BDNF: variants seen among roughly 807,000 people sequenced by gnomAD.
BDNF encodes brain derived neurotrophic factor.
Under a neutral mutation model 19.5 loss-of-function variants are expected in BDNF, and 1 was observed. The observed-to-expected ratio is 0.05, with a 90% confidence interval of 0.02 to 0.24. BDNF has a LOEUF of 0.24. Among genes scored for constraint, BDNF ranks in the 10% least tolerant of loss-of-function variants. The pLI is 1.00. For missense variants in BDNF, 195 were observed against 317.6 expected (o/e 0.61, Z 2.93); for synonymous variants, 100 against 121.6 (o/e 0.82, Z 1.17).
chr11:27,713,731 G>A (rs190114789), intron 1 of BDNF, among the ~76,000 whole-genome samples: 44 of 152,286 alleles, frequency 2.9e-4, no homozygotes, highest in African/African-American at 1.0e-3. Flanking sequence ...CCCAGGTTGC[G>A]AAGATTTTGG....
At chr11:27,697,164 C>CG (rs1859161762) in intron 1 of BDNF, among the ~76,000 whole-genome samples, 1 of 133,086 alleles carries the variant, frequency 7.5e-6, no homozygotes, top group Admixed American at 7.5e-5. Flanking sequence ...CACACACACA[C>CG]AGAGAGAGAG....
intron 1 of BDNF, among the ~76,000 whole-genome samples, chr11:27,715,934 G>GA (rs1165942414): frequency 6.6e-6 from 1 of 152,092 alleles, no homozygotes; most frequent in Non-Finnish European, 1.5e-5. Flanking sequence ...CACTATAGCA[G>GA]AAAAATCTCT....
At chr11:27,669,524 A>G (rs189740576) in intron 1 of BDNF, among the ~76,000 whole-genome samples, 12,666 of 152,250 alleles carry the variant, frequency 0.083, 754 homozygotes, top group Non-Finnish European at 0.12. Context: ...TCTCAGCCCA[A>G]AATCTCCTTA....
chr11:27,661,128 G>C (rs1446402057), intron 1 of BDNF, among the ~76,000 whole-genome samples: 2 of 152,188 alleles, frequency 1.3e-5, no homozygotes, highest in African/African-American at 2.4e-5. Context: ...TATTCCTCAA[G>C]CTGAGCATCT....
chr11:27,657,136 G>A lies in BDNF; in HGVS notation c.*685C>T, dbSNP rs1307015858. On this transcript the variant is annotated 3_prime_UTR_variant, in exon 2 of 2. Coordinates refer to ENST00000356660, the MANE Select transcript of BDNF (RefSeq NM_001709.5). This position sits in a 1 kb window ranked among gnomAD's most constrained non-coding sequence, Gnocchi z 5.0. ...ACTTTCTAGTCATCTGATCGATATT[G>A]CAAACATCTTCACAACATACAAATG... is the stretch of plus-strand genomic sequence containing the variant. 2 of 982,926 alleles carry A rather than the reference G, an allele frequency of 2.0e-6. No individual in the cohort carries two copies. The highest frequency in any genetic ancestry group is 2.4e-6 in the Non-Finnish European group (2 of 827,650). The allele number at this position is 982,926 out of a possible 1,614,324, so 60.9% of individuals were successfully genotyped here.
chr11:27,718,915 G>C (rs10767666), intron 1 of BDNF, among the ~76,000 whole-genome samples: 151,887 of 152,220 alleles, frequency 1, 75,779 homozygotes, highest in Non-Finnish European at 1. Flanking sequence ...AGAGCTGATC[G>C]GGGGAGGAGT....
At chr11:27,688,920 A>C (rs1244780826) in intron 1 of BDNF, among the ~76,000 whole-genome samples, 1 of 152,244 alleles carries the variant, frequency 6.6e-6, no homozygotes, top group Non-Finnish European at 1.5e-5. Context: ...TTTAAGTAAA[A>C]TTATAACTAA....
At chr11:27,700,477 T>C (rs1859787461), upstream of BDNF, 18 of 979,584 alleles carry the variant, frequency 1.8e-5, no homozygotes, top group South Asian at 2.4e-4. Flanking sequence ...GGGTCAGACA[T>C]TATTTAGCTC....
upstream of BDNF, among the ~76,000 whole-genome samples, chr11:27,704,546 GA>G (rs938145530): frequency 1.4e-4 from 21 of 148,758 alleles, no homozygotes; most frequent in South Asian, 4.3e-4. Flanking sequence ...TTCCTTGCAA[GA>G]AAAAAAAAAT....
chr11:27,706,872 T>A (rs1286946881), intron 1 of BDNF, among the ~76,000 whole-genome samples: 2 of 152,192 alleles, frequency 1.3e-5, no homozygotes, highest in African/African-American at 4.8e-5. Flanking sequence ...ACGTCTTCTG[T>A]CCTTAGCTTT....
In BDNF at chr11:27,655,015, G is replaced by C. The variant is rs1235604406; in HGVS notation, c.*2806C>G. 1 of 152,126 alleles carries C rather than the reference G, an allele frequency of 6.6e-6. No individual in the cohort carries two copies. The highest frequency in any genetic ancestry group is 1.5e-5 in the Non-Finnish European group (1 of 67,976). The allele number at this position is 152,126 out of a possible 1,614,324, so 9.4% of individuals were successfully genotyped here. ...TACAATAGGCTTCTGATGCGGTTAA[G>C]TTTTAATGCCAATTTTTTTCAATAA... is the stretch of plus-strand genomic sequence containing the variant. On this transcript the variant is annotated 3_prime_UTR_variant, in exon 2 of 2. Transcript: ENST00000356660.
chr11:27,677,120 C>T (rs553705592), intron 1 of BDNF: 1 of 152,344 alleles, frequency 6.6e-6, no homozygotes, highest in South Asian at 2.1e-4. Context: ...GCAGTGTTCC[C>T]ACTGCAAACT....
At chr11:27,689,813 C>G (rs141229488) in intron 1 of BDNF, among the ~76,000 whole-genome samples, 1 of 152,056 alleles carries the variant, frequency 6.6e-6, no homozygotes, top group Non-Finnish European at 1.5e-5. Flanking sequence ...AACCCATCAC[C>G]TAGGTATTAA....
intron 1 of BDNF, chr11:27,674,313 C>A: frequency 1.9e-6 from 3 of 1,549,018 alleles, no homozygotes; most frequent in Non-Finnish European, 1.7e-6. Context: ...ATTTTTGCAT[C>A]CCACTCTATA....
At chr11:27,661,482 C>A (rs1853435471) in intron 1 of BDNF, among the ~76,000 whole-genome samples, 1 of 152,220 alleles carries the variant, frequency 6.6e-6, no homozygotes, top group South Asian at 2.1e-4. Flanking sequence ...CCTTTTTATC[C>A]ATCCCACTGC....
At chr11:27,709,852 A>G (rs1860258816) in intron 1 of BDNF, among the ~76,000 whole-genome samples, 1 of 152,238 alleles carries the variant, frequency 6.6e-6, no homozygotes, top group Admixed American at 6.5e-5. Flanking sequence ...CTTATCTCAG[A>G]AAGAAGAGAT....
upstream of BDNF, among the ~76,000 whole-genome samples, chr11:27,704,126 GA>G (rs1156853502): frequency 1.7e-4 from 26 of 152,220 alleles, no homozygotes; most frequent in Admixed American, 1.7e-3. Context: ...TGGCATAATT[GA>G]TATGTTAGGA....
intron 1 of BDNF, among the ~76,000 whole-genome samples, chr11:27,718,629 ACAAT>A (rs1011424753): frequency 4.1e-5 from 6 of 146,232 alleles, no homozygotes; most frequent in African/African-American, 1.5e-4. Context: ...GGATCTCGGA[ACAAT>A]CTGTGCCCCA....
At chr11:27,715,976 G>A (rs1860492807) in intron 1 of BDNF, among the ~76,000 whole-genome samples, 1 of 152,052 alleles carries the variant, frequency 6.6e-6, no homozygotes, top group Non-Finnish European at 1.5e-5. Flanking sequence ...TGGAAAGAAA[G>A]CAGAAAAAAA....
Sources: allele counts gnomAD v4.1 joint callset (sites outside exome capture counted in the v4.1 genomes callset), GRCh38; gene constraint gnomAD v4.1.1; non-coding constraint Gnocchi (gnomAD v3.1); transcripts MANE v1.5; gene names NCBI Gene and HGNC (gene_info 2026-07-23, HGNC 2026-07-21).